Variants in MMP15 observed in about 807,000 individuals in gnomAD.
MMP15 encodes the protein matrix metallopeptidase 15.
In MMP15, 36 loss-of-function variants were observed where a neutral mutation model predicts 65.0. The observed-to-expected ratio is 0.55, with a 90% CI of 0.42 to 0.73. The LOEUF is 0.73. Among genes scored for constraint, MMP15 ranks in the 30% least tolerant of loss-of-function variants. The pLI, the probability that MMP15 is intolerant of heterozygous loss-of-function variation, is 0.00. For missense variants in MMP15, 870 were observed against 987.8 expected (o/e 0.88, Z 1.60); for synonymous variants, 428 against 410.2 (o/e 1.04, Z -0.52).
intron 3 of MMP15, 82 bp downstream of exon 3, chr16:58,038,476 CGCCCAGCCTTAACA>C: frequency 6.4e-7 from 1 of 1,571,574 alleles, no homozygotes; most frequent in South Asian, 1.1e-5. Flanking sequence ...CCCACCTCGG[CGCCCAGCCTTAACA>C]GTCCAGCCCG....
intron 9 of MMP15, among the ~76,000 whole-genome samples, chr16:58,043,836 A>C (rs560490943): frequency 4.6e-5 from 7 of 152,338 alleles, no homozygotes; most frequent in Non-Finnish European, 1.0e-4. Flanking sequence ...AGGCAAACTA[A>C]TAAACCAGAG....
At chr16:58,038,145 T>A in intron 2 of MMP15, 121 bp from the exon 3 acceptor site, 1 of 1,312,022 alleles carries the variant, frequency 7.6e-7, no homozygotes, top group Non-Finnish European at 1.1e-6. Flanking sequence ...GAGTCCCCCA[T>A]CCCCACTGTG....
At position 58,038,260 on chromosome 16, in the gene MMP15, T is replaced by A. The variant is rs373662838; in HGVS notation, c.312-6T>A. Reference sequence around the variant, plus strand: ...CCGTGCTCACCCCTCTGTGTCCATGTCCCAGGTGGATGAAGCGGCCCCGCT... The same window carrying A: ...CCGTGCTCACCCCTCTGTGTCCATGACCCAGGTGGATGAAGCGGCCCCGCT... On this transcript the variant is annotated splice_polypyrimidine_tract_variant and splice_region_variant and intron_variant, in intron 2 of 9. Transcript: ENST00000219271. The A allele has an allele frequency of 1.2e-6, 2 of 1,613,678 alleles. No homozygotes were observed. The highest frequency in any genetic ancestry group is 2.7e-5 in the African/African-American group (2 of 75,062).
intron 3 of MMP15, among the ~76,000 whole-genome samples, chr16:58,039,038 G>GTCA (rs1004993257): frequency 1.3e-5 from 2 of 152,214 alleles, no homozygotes; most frequent in African/African-American, 2.4e-5. Context: ...CTCACCATAC[G>GTCA]TCATCAAATG....
rs1009526159 is a variant in MMP15, at chr16:58,045,853, C to G, written c.*407C>G. ...GGAGACTGTCTGGCCCCCCTGGTCC[C>G]CTCCTTCCCAAGTGAGTCTCTCTGG... On this transcript the variant is annotated 3_prime_UTR_variant, in exon 10 of 10. Coordinates refer to ENST00000219271, the MANE Select transcript of MMP15 (RefSeq NM_002428.4). 1 of 188,926 alleles carries G rather than the reference C, an allele frequency of 5.3e-6. No homozygotes were observed. Among genetic ancestry groups the G allele is most frequent in the Non-Finnish European group, 1.1e-5 (1 of 90,896 alleles). The allele number at this position is 188,926 out of a possible 1,614,324, so 11.7% of individuals were successfully genotyped here. A position where few individuals can be genotyped will look rare whatever the true frequency, so the allele number is the denominator to read the frequency against.
intron 1 of MMP15, among the ~76,000 whole-genome samples, chr16:58,028,766 C>G (rs952964207): frequency 1.3e-5 from 2 of 152,224 alleles, no homozygotes; most frequent in African/African-American, 4.8e-5. Flanking sequence ...ACAGGACTTT[C>G]ACGAGGCTGA....
chr16:58,042,533 C>T (rs180830566), intron 7 of MMP15, among the ~76,000 whole-genome samples, 164 bp downstream of exon 7: 25 of 152,218 alleles, frequency 1.6e-4, no homozygotes, highest in East Asian at 5.8e-4. Flanking sequence ...CAAGGCAGGA[C>T]GGGAGGAAGA....
At chr16:58,041,249 G>C (rs796465546) in intron 5 of MMP15, among the ~76,000 whole-genome samples, 1 of 152,170 alleles carries the variant, frequency 6.6e-6, no homozygotes, top group South Asian at 2.1e-4. Context: ...TGCCGTGCTG[G>C]GCACTTGACG....
At position 58,043,563 on chromosome 16, in the gene MMP15, GC is replaced by G. The variant is rs1237587692; in HGVS notation, c.1509del (p.Ile504SerfsTer16). On this transcript the variant is annotated frameshift_variant, in exon 9 of 10. Transcript: ENST00000219271. LOFTEE classifies it high-confidence loss of function. ...AGCGTGGAGACCCTGGGTACCCCAA[GC>G]CCATCAGTGTCTGGCAGGGGATCCC... ...TQRGDPGYPK[P>X]ISVWQGIPAS... 6.2e-7 allele frequency: 1 copy of G among 1,613,858 alleles called. No individual in the cohort carries two copies. The highest frequency in any genetic ancestry group is 8.5e-7 in the Non-Finnish European group (1 of 1,179,922).
In MMP15 at chr16:58,040,177, T is replaced by C. The variant is rs770140963; in HGVS notation, c.743T>C (p.Leu248Pro). The change falls in exon 4 of 10, where the codon CTG becomes CCG. Residue 248 changes from leucine to proline, a missense_variant. By Grantham distance (98) the Leu-to-Pro change is moderately conservative. Transcript: ENST00000219271. ...CCCTGGACCTTCTCCAGCACTGACCTGCATGGTGAGGACAGCTGGCCAGGG... is the reference window on the plus strand; with the variant it reads ...CCCTGGACCTTCTCCAGCACTGACCCGCATGGTGAGGACAGCTGGCCAGGG... ...DEPWTFSSTDLHGNNLFLVAV... is the reference protein window; with the variant it reads ...DEPWTFSSTDPHGNNLFLVAV... 6 of 1,605,708 alleles carry C rather than the reference T, an allele frequency of 3.7e-6. No individual in the cohort carries two copies. The African/African-American group carries it at 8.0e-5, about 21-fold the overall frequency.
At chr16:58,043,744 C>A in intron 9 of MMP15, 117 bp downstream of exon 9, 1 of 692,230 alleles carries the variant, frequency 1.4e-6, no homozygotes, top group Admixed American at 3.1e-5. Flanking sequence ...GGGTGACAAG[C>A]TGTGTCACGC....
Position 58,026,391 on chromosome 16 carries a change from CG to C in MMP15, c.44del (p.Gly15AlafsTer30). The stretch of plus-strand genomic sequence containing the variant: ...AGCGCGCCCGGACGGCCGGGCTGGA[CG>C]GGCAGCCTCCTCGGCGACCGGGAGG... ...DPSAPGRPGW[T>X]GSLLGDREEA... is the part of the protein sequence containing the mutation. On this transcript the variant is annotated frameshift_variant, in exon 1 of 10. Coordinates refer to ENST00000219271, the MANE Select transcript of MMP15 (RefSeq NM_002428.4). LOFTEE classifies it high-confidence loss of function. 7.1e-7 allele frequency: 1 copy of C among 1,404,570 alleles called. No individual in the cohort carries two copies. Among genetic ancestry groups the C allele is most frequent in the Admixed American group, 3.3e-5 (1 of 30,504 alleles). The allele number at this position is 1,404,570 out of a possible 1,614,324, so 87.0% of individuals were successfully genotyped here. A position where few individuals can be genotyped will look rare whatever the true frequency, so the allele number is the denominator to read the frequency against.
At position 58,045,588 on chromosome 16, in the gene MMP15, G is replaced by A; in HGVS notation, c.*142G>A. On this transcript the variant is annotated 3_prime_UTR_variant, in exon 10 of 10. Coordinates refer to ENST00000219271, the MANE Select transcript of MMP15 (RefSeq NM_002428.4). The stretch of plus-strand genomic sequence containing the variant: ...CCCCGCCCTCATTATTTATGTCCAG[G>A]TGTTTGTTTTGTTTTGTTTTTGGCA... 2 of 688,458 alleles carry A rather than the reference G, an allele frequency of 2.9e-6. No homozygotes were observed. Among genetic ancestry groups the A allele is most frequent in the Non-Finnish European group, 4.7e-6 (2 of 426,496 alleles). The allele number at this position is 688,458 out of a possible 1,614,324, so 42.6% of individuals were successfully genotyped here. A position where few individuals can be genotyped will look rare whatever the true frequency, so the allele number is the denominator to read the frequency against.
chr16:58,046,258 C>A lies in MMP15; in HGVS notation c.*812C>A. On this transcript the variant is annotated 3_prime_UTR_variant, in exon 10 of 10. Transcript: ENST00000219271. Reference sequence around the variant, plus strand: ...TCTGTTCCTTCCCTGTGCCTCCTCCCTCCCTCTCCGACTCACACCACTAGC... The same window carrying A: ...TCTGTTCCTTCCCTGTGCCTCCTCCATCCCTCTCCGACTCACACCACTAGC... The A allele has an allele frequency of 6.5e-6, 1 of 153,076 alleles. No homozygotes were observed. The allele number at this position is 153,076 out of a possible 1,614,324, so 9.5% of individuals were successfully genotyped here.
chr16:58,029,903 C>T (rs1352509719), intron 1 of MMP15, among the ~76,000 whole-genome samples: 1 of 152,142 alleles, frequency 6.6e-6, no homozygotes, highest in Non-Finnish European at 1.5e-5. Flanking sequence ...CGTGGAAAAG[C>T]CCCTCCCTGC....
chr16:58,040,338 C>G (rs1959426493), intron 4 of MMP15, among the ~76,000 whole-genome samples, 156 bp downstream of exon 4: 1 of 152,212 alleles, frequency 6.6e-6, no homozygotes, highest in Non-Finnish European at 1.5e-5. Flanking sequence ...TCTGTTGTCC[C>G]ACCATCTCCA....
chr16:58,040,522 T>C lies in MMP15; in HGVS notation c.749-15T>C. ...GCCACAGCTGACTGTGCTGCCCTCC[T>C]TCTCTCCCCAAAAGGAAACAACCTC... On this transcript the variant is annotated splice_polypyrimidine_tract_variant and intron_variant, in intron 4 of 9. Transcript: ENST00000219271. 6.2e-7 allele frequency: 1 copy of C among 1,609,688 alleles called. No homozygotes were observed. Among genetic ancestry groups the C allele is most frequent in the Non-Finnish European group, 8.5e-7 (1 of 1,179,260 alleles).
rs778686391 is a variant in MMP15, at chr16:58,042,303, C to T, written c.1237C>T (p.Arg413Cys). ...TCCCATGCCCATCGGGCACTTCTGG[C>T]GTGGTCTGCCCGGTGACATCAGTGC... ...NYPMPIGHFW[R>C]GLPGDISAAY... Residue 413 changes from arginine to cysteine, a missense_variant, in exon 7 of 10, where the codon CGT (arginine) becomes TGT (cysteine). Physicochemically the swap from Arg to Cys is radical, Grantham distance 180 (BLOSUM62 -3). Transcript: ENST00000219271. 1.1e-5 allele frequency: 17 copies of T among 1,614,134 alleles called. No individual in the cohort carries two copies. Among genetic ancestry groups the T allele is most frequent in the East Asian group, 2.2e-5 (1 of 44,906 alleles).
Position 58,042,323 on chromosome 16 carries a change from C to A in MMP15, c.1257C>A (p.Ile419=). 6.2e-7 allele frequency: 1 copy of A among 1,614,266 alleles called. No homozygotes were observed. Among genetic ancestry groups the A allele is most frequent in the Non-Finnish European group, 8.5e-7 (1 of 1,180,032 alleles). The stretch of plus-strand genomic sequence containing the variant: ...TCTGGCGTGGTCTGCCCGGTGACAT[C>A]AGTGCTGCCTACGAGCGCCAAGACG... ...GHFWRGLPGD[I]SAAYERQDGR... The change falls in exon 7 of 10, where the codon ATC becomes ATA. Residue 419 remains isoleucine (I), a synonymous_variant. Transcript: ENST00000219271.
Sources: allele counts gnomAD v4.1 joint callset (sites outside exome capture counted in the v4.1 genomes callset), GRCh38; gene constraint gnomAD v4.1.1; transcripts MANE v1.5; gene names NCBI Gene and HGNC (gene_info 2026-07-23, HGNC 2026-07-21).